CTTNBP2: variants seen among roughly 807,000 people sequenced by gnomAD.
The protein encoded by CTTNBP2 is cortactin-binding protein 2.
CTTNBP2 carries 108 observed loss-of-function variants against 156.9 expected under a neutral mutation model. That is an observed-to-expected ratio of 0.69 (90% CI 0.59 to 0.81). CTTNBP2 has a LOEUF of 0.81. Ranked by LOEUF, CTTNBP2 falls within the 30% of genes least tolerant of loss-of-function variation. The probability of loss-of-function intolerance (pLI) is 0.00; values close to 1 mark genes in which losing one functional copy is unlikely to be tolerated. For synonymous variants in CTTNBP2, 767 were observed against 751.8 expected (o/e 1.02, Z -0.33); for missense variants, 1,924 against 2,035.4 (o/e 0.95, Z 1.05).
intron 3 of CTTNBP2, among the ~76,000 whole-genome samples, chr7:117,799,592 A>T (rs891740191): frequency 2.0e-5 from 3 of 152,098 alleles, no homozygotes; most frequent in Non-Finnish European, 4.4e-5. Flanking sequence ...GAAAAAGACA[A>T]TAAAGTCTAC....
chr7:117,715,180 T>G (rs753058375), intron 22 of CTTNBP2, among the ~76,000 whole-genome samples: 10 of 151,384 alleles, frequency 6.6e-5, no homozygotes, highest in Non-Finnish European at 1.5e-4. Context: ...GCATTGGGGG[T>G]GAGTCTTTAA....
chr7:117,788,782 C>T (rs926355004), intron 4 of CTTNBP2, among the ~76,000 whole-genome samples: 7 of 152,170 alleles, frequency 4.6e-5, no homozygotes, highest in Admixed American at 3.9e-4. Context: ...TAAACACTTG[C>T]TGAATGACTC....
intron 17 of CTTNBP2, among the ~76,000 whole-genome samples, chr7:117,726,202 A>G (rs1035983592): frequency 6.6e-6 from 1 of 152,252 alleles, no homozygotes; most frequent in African/African-American, 2.4e-5. Flanking sequence ...GCTTTGTTGC[A>G]GTATTAAAAA....
At chr7:117,754,565 T>C (rs1796789167) in intron 12 of CTTNBP2, among the ~76,000 whole-genome samples, 1 of 152,240 alleles carries the variant, frequency 6.6e-6, no homozygotes, top group Non-Finnish European at 1.5e-5. Flanking sequence ...ACAGGGCCTA[T>C]GCTCTTAAGG....
At chr7:117,780,322 T>C (rs772994674) in intron 7 of CTTNBP2, 119 bp downstream of exon 7, 4 of 665,280 alleles carry the variant, frequency 6.0e-6, no homozygotes, top group Non-Finnish European at 7.1e-6. Context: ...TTCCAAATCC[T>C]ACAAGCAAAA....
At chr7:117,718,260 T>TGAAA (rs1794570129) in intron 21 of CTTNBP2, 141 bp from the exon 22 acceptor site, 1 of 464,610 alleles carries the variant, frequency 2.2e-6, no homozygotes, top group Non-Finnish European at 3.8e-6. Context: ...ACTGTTCACA[T>TGAAA]GAAAGAAAGA....
intron 17 of CTTNBP2, among the ~76,000 whole-genome samples, chr7:117,727,712 T>G (rs929589962): frequency 8.5e-5 from 13 of 152,232 alleles, no homozygotes; most frequent in Non-Finnish European, 1.5e-4. Context: ...CAGTAAGTAC[T>G]GAACATATGT....
chr7:117,728,628 C>A (rs886539813), intron 16 of CTTNBP2, among the ~76,000 whole-genome samples: 1 of 152,074 alleles, frequency 6.6e-6, no homozygotes, highest in Non-Finnish European at 1.5e-5. Context: ...GTATAATTGA[C>A]AAAAATTATA....
chr7:117,864,324 T>C (rs1255124476), intron 1 of CTTNBP2, among the ~76,000 whole-genome samples: 1 of 152,128 alleles, frequency 6.6e-6, no homozygotes, highest in South Asian at 2.1e-4. Context: ...AAACATACAG[T>C]GCATCTGTCT....
chr7:117,711,396 A>G lies in CTTNBP2; in HGVS notation c.*141T>C. The G allele has an allele frequency of 1.1e-6, 1 of 915,372 alleles. No individual in the cohort carries two copies. The highest frequency in any genetic ancestry group is 2.5e-5 in the South Asian group (1 of 39,520). The allele number at this position is 915,372 out of a possible 1,614,324, so 56.7% of individuals were successfully genotyped here. A position where few individuals can be genotyped will look rare whatever the true frequency, so the allele number is the denominator to read the frequency against. Reference sequence around the variant, plus strand: ...TTGGTTATAAATACATTCTTTACAAAAAAAAATTGAATAGTGGTCCCGCAC... The same window carrying G: ...TTGGTTATAAATACATTCTTTACAAGAAAAAATTGAATAGTGGTCCCGCAC... On this transcript the variant is annotated 3_prime_UTR_variant, in exon 23 of 23. Coordinates refer to ENST00000160373, the MANE Select transcript of CTTNBP2 (RefSeq NM_033427.3).
intron 2 of CTTNBP2, among the ~76,000 whole-genome samples, chr7:117,836,431 G>T (rs890104845): frequency 6.6e-6 from 1 of 152,148 alleles, no homozygotes; most frequent in Non-Finnish European, 1.5e-5. Flanking sequence ...AGGCGTGGTG[G>T]TGGGCGCCTG....
At chr7:117,860,534 G>A (rs1313960882) in intron 2 of CTTNBP2, among the ~76,000 whole-genome samples, 1 of 151,922 alleles carries the variant, frequency 6.6e-6, no homozygotes, top group Non-Finnish European at 1.5e-5. Flanking sequence ...TAGTAGAGAA[G>A]GGGTTTCACC....
intron 22 of CTTNBP2, among the ~76,000 whole-genome samples, chr7:117,717,691 A>G (rs1794506464): frequency 6.6e-6 from 1 of 151,930 alleles, no homozygotes; most frequent in Non-Finnish European, 1.5e-5. Flanking sequence ...GATTTCAGGC[A>G]TCACCTGAGG....
chr7:117,753,431 T>C (rs1249669615), intron 12 of CTTNBP2, among the ~76,000 whole-genome samples: 1 of 152,158 alleles, frequency 6.6e-6, no homozygotes, highest in Non-Finnish European at 1.5e-5. Context: ...TATAAATCAT[T>C]CTATTACAAA....
chr7:117,761,772 G>C (rs1223294719), intron 9 of CTTNBP2, among the ~76,000 whole-genome samples: 1 of 152,088 alleles, frequency 6.6e-6, no homozygotes, highest in Admixed American at 6.6e-5. Context: ...TCAAACAAGA[G>C]TATGTGAAAT....
At chr7:117,864,220 T>C (rs1803958686) in intron 1 of CTTNBP2, among the ~76,000 whole-genome samples, 1 of 152,070 alleles carries the variant, frequency 6.6e-6, no homozygotes, top group Non-Finnish European at 1.5e-5. Context: ...AAAATATTGG[T>C]ACAAGCATTC....
chr7:117,787,599 G>A (rs1798770344), intron 4 of CTTNBP2, among the ~76,000 whole-genome samples: 2 of 152,214 alleles, frequency 1.3e-5, no homozygotes, highest in Non-Finnish European at 2.9e-5. Flanking sequence ...TCAGTTGCCT[G>A]GAGTGATTTC....
Position 117,816,751 on chromosome 7 carries a change from A to G in CTTNBP2, c.190-5762T>C, listed in dbSNP as rs575402212. Among the ~76,000 whole-genome samples the G allele has an allele frequency of 6.6e-5, 10 of 152,212 alleles. No individual in the cohort carries two copies. The East Asian group carries it at 1.7e-3, about 27-fold the overall frequency. On this transcript the variant is annotated intron_variant, in intron 2 of 22. Coordinates refer to ENST00000160373, the MANE Select transcript of CTTNBP2 (RefSeq NM_033427.3). ...ACAGAGTGCTTATTTTTAATTTTTAATGTATTACATTATGTTTAATAAAGG... is the reference window on the plus strand; with the variant it reads ...ACAGAGTGCTTATTTTTAATTTTTAGTGTATTACATTATGTTTAATAAAGG...
chr7:117,787,364 G>T (rs578148921), intron 4 of CTTNBP2, among the ~76,000 whole-genome samples: 102 of 152,332 alleles, frequency 6.7e-4, no homozygotes, highest in African/African-American at 2.4e-3. Flanking sequence ...ATGGCAGAGG[G>T]AAGGAGTGAG....
Sources: allele counts gnomAD v4.1 joint callset (sites outside exome capture counted in the v4.1 genomes callset), GRCh38; gene constraint gnomAD v4.1.1; transcripts MANE v1.5; gene names NCBI Gene and HGNC (gene_info 2026-07-23, HGNC 2026-07-21).